The following ALAS2 variants were observed in gnomAD, a reference collection of about 807,000 sequenced individuals.
ALAS2 encodes the protein 5'-aminolevulinate synthase 2.
Under a neutral mutation model 33.7 loss-of-function variants are expected in ALAS2, and 3 were observed. The observed-to-expected ratio is 0.09, with a 90% CI of 0.04 to 0.23. The LOEUF is 0.23. Ranked by LOEUF, ALAS2 falls within the 10% of genes least tolerant of loss-of-function variation. ALAS2 has a pLI of 1.00. For missense variants in ALAS2, 304 were observed against 475.1 expected, an observed-to-expected ratio of 0.64 and a Z score of 3.35; for synonymous variants, 191 against 177.3, an observed-to-expected ratio of 1.08 and a Z score of -0.61.
chrX:55,024,645 T>C, intron 3 of ALAS2, 73 bp downstream of exon 3: 1 of 1,185,526 alleles, frequency 8.4e-7, no homozygotes, highest in Non-Finnish European at 1.1e-6. Context: ...TGTATTAGCC[T>C]AGCTCAGGAC....
chrX:55,015,443 G>A lies in ALAS2; in HGVS notation c.1168+135C>T, dbSNP rs1056823018. On this transcript the variant is annotated intron_variant, in intron 8 of 10. Transcript: ENST00000650242. ...AGTGGGATGCGAGTGGAGAGAGGGA[G>A]TCCAGGATGGCAGCAGCCTGGGGCT... is the stretch of plus-strand genomic sequence containing the variant. 28 of 718,869 alleles carry A rather than the reference G, an allele frequency of 3.9e-5. 1 individual carries two copies. Among genetic ancestry groups the A allele is most frequent in the African/African-American group, 2.3e-4 (11 of 47,234 alleles). The allele number at this position is 718,869 out of a possible 1,213,427, so 59.2% of individuals were successfully genotyped here.
intron 10 of ALAS2, among the ~76,000 whole-genome samples, chrX:55,013,181 A>G (rs1261010161): frequency 1.8e-5 from 2 of 111,573 alleles, no homozygotes; most frequent in Non-Finnish European, 3.8e-5. Flanking sequence ...TGGGTCTTGC[A>G]TCCCTCAGGC....
At chrX:55,027,073 G>T (rs1248177004) in intron 1 of ALAS2, among the ~76,000 whole-genome samples, 1 of 109,551 alleles carries the variant, frequency 9.1e-6, no homozygotes, top group Non-Finnish European at 1.9e-5. Context: ...AAGAGAAAAT[G>T]AAAAAAGAAA....
Position 55,010,121 on chromosome X carries a change from T to C in ALAS2, c.1601-778A>G, listed in dbSNP as rs1935575925. 4.5e-5 allele frequency among the ~76,000 whole-genome samples: 5 copies of C among 111,782 alleles called. No individual in the cohort carries two copies. The Admixed American group carries it at 4.7e-4, about 11-fold the overall frequency. On this transcript the variant is annotated intron_variant, in intron 10 of 10. Coordinates refer to ENST00000650242, the MANE Select transcript of ALAS2 (RefSeq NM_000032.5). ...GTCCAAAAATTTCAGAGCTATCCTTTATTTTTCTCTTTCTCTCTTACCCTA... is the reference window on the plus strand; with the variant it reads ...GTCCAAAAATTTCAGAGCTATCCTTCATTTTTCTCTTTCTCTCTTACCCTA...
In ALAS2 at chrX:55,027,766, C is replaced by T. The variant is rs773585688; in HGVS notation, c.-15-1751G>A. 6 of 1,211,493 alleles carry T rather than the reference C, an allele frequency of 5.0e-6. No homozygotes were observed. In the South Asian group the frequency reaches 8.8e-5, roughly 18 times the overall value. On this transcript the variant is annotated intron_variant, in intron 1 of 10. Coordinates refer to ENST00000650242, the MANE Select transcript of ALAS2 (RefSeq NM_000032.5). ...CTCCCCGTACCTCACAAAACAACCT[C>T]TTTTTCTTGTTCCATCCCAGAGCAA...
At chrX:55,029,504 A>G (rs1375895808) in intron 1 of ALAS2, among the ~76,000 whole-genome samples, 1 of 111,746 alleles carries the variant, frequency 8.9e-6, no homozygotes, top group Non-Finnish European at 1.9e-5. Flanking sequence ...TAACTTAACC[A>G]TTATGGATCT....
chrX:55,012,163 A>G (rs181811057), intron 10 of ALAS2, among the ~76,000 whole-genome samples: 4 of 112,364 alleles, frequency 3.6e-5, no homozygotes, highest in Non-Finnish European at 5.6e-5. Context: ...TCAGACAAAC[A>G]GAATTATGTT....
intron 7 of ALAS2, among the ~76,000 whole-genome samples, chrX:55,017,231 G>A (rs1935717411): frequency 8.9e-6 from 1 of 111,833 alleles, no homozygotes; most frequent in Non-Finnish European, 1.9e-5. Context: ...TTTACTAGCT[G>A]TGTGACCTTG....
At position 55,020,513 on chromosome X, in the gene ALAS2, G is replaced by C. The variant is rs1183467502; in HGVS notation, c.639-9C>G. 1.7e-6 allele frequency: 2 copies of C among 1,166,638 alleles called. No homozygotes were observed. Among genetic ancestry groups the C allele is most frequent in the Non-Finnish European group, 2.3e-6 (2 of 872,668 alleles). ...GACGCTGCAGGGTCTCCCTGGCCAG[G>C]AGAAAACAGGAGAAAAGGAGAAAAA... On this transcript the variant is annotated splice_polypyrimidine_tract_variant and intron_variant, in intron 5 of 10. Coordinates refer to ENST00000650242, the MANE Select transcript of ALAS2 (RefSeq NM_000032.5).
intron 1 of ALAS2, among the ~76,000 whole-genome samples, chrX:55,030,077 C>A (rs1011841569): frequency 9.1e-6 from 1 of 109,837 alleles, no homozygotes; most frequent in African/African-American, 3.3e-5. Flanking sequence ...CCTTTCCCAC[C>A]ATGAAAGAAT....
At chrX:55,011,807 G>C (rs181305985) in intron 10 of ALAS2, among the ~76,000 whole-genome samples, 6 of 111,476 alleles carry the variant, frequency 5.4e-5, no homozygotes, top group African/African-American at 1.6e-4. Context: ...TGAACAAAAG[G>C]CCCAGGAGTC....
At chrX:55,015,305 G>A (rs781327767) in intron 8 of ALAS2, among the ~76,000 whole-genome samples, 84 of 111,021 alleles carry the variant, frequency 7.6e-4, no homozygotes, top group African/African-American at 2.7e-3. Context: ...TGGGGCTAGG[G>A]TGGGGGAGGG....
chrX:55,014,726 T>G (rs376227838), intron 9 of ALAS2, 21 bp downstream of exon 9: 3 of 1,149,776 alleles, frequency 2.6e-6, no homozygotes, highest in Non-Finnish European at 2.3e-6. Context: ...GAGAGGGCAA[T>G]GGGCATGGTG....
chrX:55,028,601 A>C (rs1313748968), intron 1 of ALAS2, among the ~76,000 whole-genome samples: 1 of 111,330 alleles, frequency 9.0e-6, no homozygotes, highest in Non-Finnish European at 1.9e-5. Flanking sequence ...GGGTCCTGGG[A>C]AAATATAGAC....
At chrX:55,026,054 G>A (rs1356053605) in intron 1 of ALAS2, 39 bp from the exon 2 acceptor site, 5 of 1,161,102 alleles carry the variant, frequency 4.3e-6, no homozygotes, top group African/African-American at 1.8e-5. Context: ...CCATCATGAG[G>A]GCCTGGCAAA....
At chrX:55,026,992 G>A (rs1935903195) in intron 1 of ALAS2, among the ~76,000 whole-genome samples, 2 of 110,044 alleles carry the variant, frequency 1.8e-5, no homozygotes, top group Non-Finnish European at 3.8e-5. Flanking sequence ...AGAAATTGAG[G>A]GGGAAAAAGA....
chrX:55,017,577 G>C lies in ALAS2; in HGVS notation c.912C>G (p.His304Gln). 1 of 1,211,251 alleles carries C rather than the reference G, an allele frequency of 8.3e-7. No homozygotes were observed. The highest frequency in any genetic ancestry group is 1.1e-6 in the Non-Finnish European group (1 of 895,087). The change falls in exon 7 of 11, where the codon CAC becomes CAG. Residue 304 changes from histidine to glutamine, a missense_variant. Physicochemically the swap from His to Gln is conservative, Grantham distance 24. Coordinates refer to ENST00000650242, the MANE Select transcript of ALAS2 (RefSeq NM_000032.5). The stretch of plus-strand genomic sequence containing the variant: ...GTTTCTTTAGGTGGTCAGGGTCATT[G>C]TGCCTGAAGACAAACTTGGCTGCTC... ...NSGAAKFVFRHNDPDHLKKLL... is the reference protein window; with the variant it reads ...NSGAAKFVFRQNDPDHLKKLL...
chrX:55,025,965 T>C lies in ALAS2; in HGVS notation c.36A>G (p.Pro12=), dbSNP rs1397225268. The change falls in exon 2 of 11, where the codon CCA becomes CCG. Residue 12 remains proline, a synonymous_variant. Transcript: ENST00000650242. ...VTAAMLLQCC[P]VLARGPTSLL... ...GGCTTGTGGGGCCCCGGGCAAGCAC[T>C]GGGCAGCACTGTAGCAGCATGGCTG... The C allele has an allele frequency of 8.3e-7, 1 of 1,209,125 alleles. No homozygotes were observed. Among genetic ancestry groups the C allele is most frequent in the Admixed American group, 2.2e-5 (1 of 45,714 alleles).
chrX:55,023,685 T>A (rs1349402340), intron 4 of ALAS2, 72 bp downstream of exon 4: 1 of 884,307 alleles, frequency 1.1e-6, no homozygotes, highest in African/African-American at 2.0e-5. Flanking sequence ...CTGTTTCCCC[T>A]ACTGTGACAG....
Sources: gnomAD v4.1 joint callset for allele counts (sites outside exome capture counted in the v4.1 genomes callset) on GRCh38, gnomAD v4.1.1 for gene constraint, MANE v1.5 for transcripts, NCBI Gene and HGNC (gene_info 2026-07-23, HGNC 2026-07-21) for gene names.